RBFOX3: variants seen among roughly 807,000 people sequenced by gnomAD.
RBFOX3 encodes RNA binding protein fox-1 homolog 3.
Under a neutral mutation model 48.7 loss-of-function variants are expected in RBFOX3, and 17 were observed. That is an observed-to-expected ratio of 0.35 (90% confidence interval 0.24 to 0.52). RBFOX3 has a LOEUF of 0.52. Ranked by LOEUF, RBFOX3 falls within the 20% of genes least tolerant of loss-of-function variation. RBFOX3 has a pLI of 0.94. For synonymous variants in RBFOX3, 212 were observed against 209.5 expected, an observed-to-expected ratio of 1.01 and a Z score of -0.10; for missense variants, 382 against 497.5, an observed-to-expected ratio of 0.77 and a Z score of 2.21.
At chr17:79,331,416 T>A (rs2080270697) in intron 2 of RBFOX3, among the ~76,000 whole-genome samples, 1 of 151,816 alleles carries the variant, frequency 6.6e-6, no homozygotes, top group Admixed American at 6.6e-5. Context: ...CTCTGGGGGG[T>A]GCATCACTGT....
At position 79,222,708 on chromosome 17, in the gene RBFOX3, G is replaced by A. The variant is rs548497410; in HGVS notation, c.-34+13058C>T. Among the ~76,000 whole-genome samples the A allele has an allele frequency of 7.9e-5, 12 of 152,324 alleles. No homozygotes were observed. The East Asian group carries it at 2.3e-3, about 29-fold the overall frequency. On this transcript the variant is annotated intron_variant, in intron 4 of 14. Transcript: ENST00000693108. ...CAGCCTTGTCATTGCACATGGACTG[G>A]GCTGTCCCTGCCCTGGGCACACAGG... is the stretch of plus-strand genomic sequence containing the variant.
chr17:79,420,988 C>T (rs1555721999), intron 2 of RBFOX3, among the ~76,000 whole-genome samples: 1 of 152,132 alleles, frequency 6.6e-6, no homozygotes, highest in Non-Finnish European at 1.5e-5. Flanking sequence ...GGCATGGAGG[C>T]CCAGGGGCTT....
chr17:79,342,402 C>T (rs2146704837), intron 2 of RBFOX3, among the ~76,000 whole-genome samples: 1 of 152,328 alleles, frequency 6.6e-6, no homozygotes, highest in East Asian at 1.9e-4. Flanking sequence ...GTCGAAGTCT[C>T]TCTCTCTCGT....
chr17:79,556,410 G>A lies in RBFOX3; in HGVS notation c.-320+54416C>T, dbSNP rs983585761. ...GGCTCCGTAAAGCATTTGAAGGGCCGAGGAGGGGACAGACCATGCTGGAAA... is the reference window on the plus strand; with the variant it reads ...GGCTCCGTAAAGCATTTGAAGGGCCAAGGAGGGGACAGACCATGCTGGAAA... On this transcript the variant is annotated intron_variant, in intron 1 of 14. Coordinates refer to ENST00000693108, the MANE Select transcript of RBFOX3 (RefSeq NM_001350451.2). Among the ~76,000 whole-genome samples the A allele has an allele frequency of 8.1e-4, 123 of 152,340 alleles. 1 individual carries two copies. The highest frequency in any genetic ancestry group is 2.6e-3 in the African/African-American group (109 of 41,580).
chr17:79,248,913 G>A (rs1238133508), intron 3 of RBFOX3, among the ~76,000 whole-genome samples: 8 of 152,202 alleles, frequency 5.3e-5, no homozygotes, highest in Non-Finnish European at 1.0e-4. Flanking sequence ...GCAGCTCAGC[G>A]GGCAGCTGGA....
chr17:79,403,184 C>T (rs1321150759), intron 2 of RBFOX3, among the ~76,000 whole-genome samples: 1 of 152,056 alleles, frequency 6.6e-6, no homozygotes, highest in Non-Finnish European at 1.5e-5. Flanking sequence ...TGGGGAGGGG[C>T]GGTGAAAAGC....
At chr17:79,445,996 G>C (rs1598733114) in intron 2 of RBFOX3, among the ~76,000 whole-genome samples, 1 of 152,198 alleles carries the variant, frequency 6.6e-6, no homozygotes, top group East Asian at 1.9e-4. Flanking sequence ...ATGGCGAGCG[G>C]AACCAGGGAT....
chr17:79,100,719 T>G (rs1044960064), intron 9 of RBFOX3, among the ~76,000 whole-genome samples: 4 of 152,218 alleles, frequency 2.6e-5, no homozygotes, highest in African/African-American at 9.6e-5. Context: ...CTGGCAGGAA[T>G]GAGCGGAGGC....
intron 4 of RBFOX3, among the ~76,000 whole-genome samples, chr17:79,171,836 T>G (rs1416285872): frequency 6.6e-6 from 1 of 151,814 alleles, no homozygotes; most frequent in East Asian, 1.9e-4. Context: ...AGCTGTAATA[T>G]TTAATTTAAA....
At chr17:79,276,318 C>G (rs2068804293) in intron 3 of RBFOX3, among the ~76,000 whole-genome samples, 1 of 152,224 alleles carries the variant, frequency 6.6e-6, no homozygotes, top group Admixed American at 6.5e-5. Flanking sequence ...ACACTAAAAA[C>G]CCCTGAATTG....
In RBFOX3 at chr17:79,103,266, G is replaced by A; in HGVS notation, c.415-12C>T. The A allele has an allele frequency of 6.5e-7, 1 of 1,540,998 alleles. No homozygotes were observed. Among genetic ancestry groups the A allele is most frequent in the Admixed American group, 2.0e-5 (1 of 50,984 alleles). ...ACAAACCCAAAACCCTGTGAGCAGA[G>A]GAGAGGGAAGGACAGGCACGGAGAG... On this transcript the variant is annotated splice_polypyrimidine_tract_variant and intron_variant, in intron 7 of 14. Coordinates refer to ENST00000693108, the MANE Select transcript of RBFOX3 (RefSeq NM_001350451.2). This position sits in a 1 kb window ranked among gnomAD's most constrained non-coding sequence, Gnocchi z 6.1.
intron 3 of RBFOX3, among the ~76,000 whole-genome samples, chr17:79,258,233 C>A (rs897267378): frequency 6.6e-6 from 1 of 152,168 alleles, no homozygotes; most frequent in African/African-American, 2.4e-5. Context: ...CAGGGCTGAC[C>A]CAGTGCAGGG....
chr17:79,579,742 A>T (rs1481359869), intron 1 of RBFOX3, among the ~76,000 whole-genome samples: 16 of 100,522 alleles, frequency 1.6e-4, no homozygotes, highest in Non-Finnish European at 4.1e-5. Context: ...CGTGGTGGGG[A>T]GTCACTGGCG....
intron 3 of RBFOX3, among the ~76,000 whole-genome samples, chr17:79,237,201 A>C (rs56731259): frequency 6.6e-6 from 1 of 152,196 alleles, no homozygotes; most frequent in Non-Finnish European, 1.5e-5. Flanking sequence ...GCAAGTGAAA[A>C]GCTTCTGGAA....
chr17:79,637,462 G>C, the RBFOX3 span, among the ~76,000 whole-genome samples: 1 of 151,062 alleles, frequency 6.6e-6, no homozygotes, highest in Admixed American at 6.6e-5. Flanking sequence ...GGGAGGCTGA[G>C]GGGGGTGGAT....
intron 3 of RBFOX3, among the ~76,000 whole-genome samples, chr17:79,274,003 C>T (rs2068244729): frequency 6.6e-6 from 1 of 152,190 alleles, no homozygotes; most frequent in Admixed American, 6.5e-5. Context: ...TGTCCAGCGC[C>T]ACCCTGGCCT....
intron 2 of RBFOX3, among the ~76,000 whole-genome samples, chr17:79,376,548 A>G (rs541630868): frequency 6.6e-6 from 1 of 152,312 alleles, no homozygotes; most frequent in African/African-American, 2.4e-5. Context: ...ATATTGTAAG[A>G]GAAGTCATAT....
rs2077047765 is a variant in RBFOX3, at chr17:79,471,407, A to T, written c.-175+11047T>A. 6.6e-6 allele frequency among the ~76,000 whole-genome samples: 1 copy of T among 152,214 alleles called. No individual in the cohort carries two copies. Among genetic ancestry groups the T allele is most frequent in the East Asian group, 1.9e-4 (1 of 5,204 alleles). On this transcript the variant is annotated intron_variant, in intron 2 of 14. Coordinates refer to ENST00000693108, the MANE Select transcript of RBFOX3 (RefSeq NM_001350451.2). The surrounding 1 kb of genome is among the most constrained non-coding windows in gnomAD (Gnocchi z 4.0). ...CCTTGCCTTGGGAACTTTTGGAGCA[A>T]CAGAATGGTTTAGAATAATGACCCA...
At chr17:79,536,958 A>G (rs1357568853) in intron 1 of RBFOX3, among the ~76,000 whole-genome samples, 28 of 152,114 alleles carry the variant, frequency 1.8e-4, no homozygotes, top group African/African-American at 6.5e-4. Context: ...GGTGGCGAGC[A>G]CCTGTAATCC....
Sources: gnomAD v4.1 joint callset for allele counts (sites outside exome capture counted in the v4.1 genomes callset) on GRCh38, gnomAD v4.1.1 for gene constraint, Gnocchi (gnomAD v3.1) non-coding constraint, MANE v1.5 for transcripts, NCBI Gene and HGNC (gene_info 2026-07-23, HGNC 2026-07-21) for gene names.